The following ANKS1B variants were observed in gnomAD, a reference collection of about 807,000 sequenced individuals.
ANKS1B encodes ankyrin repeat and sterile alpha motif domain-containing protein 1B.
A neutral mutation model predicts 148.3 loss-of-function variants in ANKS1B; 36 were observed. The ratio of observed to expected loss-of-function variants is 0.24; its 90% CI spans 0.19 to 0.32. ANKS1B has a LOEUF of 0.32. Among genes scored for constraint, ANKS1B ranks in the 10% least tolerant of loss-of-function variants. ANKS1B has a pLI of 1.00. For missense variants in ANKS1B, 1,157 were observed against 1,542.6 expected (o/e 0.75, Z 4.19); for synonymous variants, 542 against 560.8 (o/e 0.97, Z 0.47).
chr12:99,663,217 T>A (rs2098486322), intron 8 of ANKS1B, among the ~76,000 whole-genome samples: 1 of 152,116 alleles, frequency 6.6e-6, no homozygotes, highest in Admixed American at 6.6e-5. Flanking sequence ...GATAGGTCAG[T>A]GATCATATTA....
At chr12:99,658,595 A>G (rs1315089350) in intron 8 of ANKS1B, among the ~76,000 whole-genome samples, 1 of 152,086 alleles carries the variant, frequency 6.6e-6, no homozygotes, top group Non-Finnish European at 1.5e-5. Context: ...CTTTTAACTC[A>G]AACAGATATA....
At chr12:99,417,280 T>C (rs1200191180) in intron 11 of ANKS1B, among the ~76,000 whole-genome samples, 1 of 152,232 alleles carries the variant, frequency 6.6e-6, no homozygotes, top group East Asian at 1.9e-4. Context: ...CCTGTGTATG[T>C]CCAACTGCTC....
At position 99,686,248 on chromosome 12, in the gene ANKS1B, T is replaced by G. The variant is rs536944554; in HGVS notation, c.1129-31038A>C. Among the ~76,000 whole-genome samples, 11 of 152,290 alleles carry G rather than the reference T, an allele frequency of 7.2e-5. No homozygotes were observed. In the South Asian group the frequency reaches 2.3e-3, roughly 32 times the overall value. On this transcript the variant is annotated intron_variant, in intron 8 of 26. Coordinates refer to ENST00000683438, the MANE Select transcript of ANKS1B (RefSeq NM_001352186.2). Reference sequence around the variant, plus strand: ...AATTTGGTATGTAAACAAACCAAAATGTAACTTAGGAGTATAACAGCCAAG... The same window carrying G: ...AATTTGGTATGTAAACAAACCAAAAGGTAACTTAGGAGTATAACAGCCAAG...
At chr12:99,564,619 A>G (rs984913156) in intron 9 of ANKS1B, among the ~76,000 whole-genome samples, 1 of 152,118 alleles carries the variant, frequency 6.6e-6, no homozygotes, top group African/African-American at 2.4e-5. Context: ...GAATGAATAC[A>G]TAATTTCTTC....
At chr12:98,835,163 A>G (rs1595050334) in intron 17 of ANKS1B, among the ~76,000 whole-genome samples, 2 of 152,064 alleles carry the variant, frequency 1.3e-5, no homozygotes, top group South Asian at 4.2e-4. Flanking sequence ...TAACTGTGGT[A>G]CAATTGAGCT....
chr12:99,607,221 C>T (rs1008881675), intron 9 of ANKS1B, among the ~76,000 whole-genome samples: 3 of 152,098 alleles, frequency 2.0e-5, no homozygotes, highest in African/African-American at 4.8e-5. Context: ...CCCCAGAATC[C>T]AGAGGCTCAA....
At chr12:99,333,865 T>TTTTTTTTTTTTTTTTTTG (rs2088158089) in intron 12 of ANKS1B, among the ~76,000 whole-genome samples, 1 of 149,858 alleles carries the variant, frequency 6.7e-6, no homozygotes, top group Non-Finnish European at 1.5e-5. Flanking sequence ...TTTTTTTTTT[T>TTTTTTTTTTTTTTTTTTG]TTTTTTTTTT....
rs369441951 is a variant in ANKS1B, at chr12:99,188,608, T to C, written c.2420-34213A>G. 1.1e-4 allele frequency among the ~76,000 whole-genome samples: 16 copies of C among 152,146 alleles called. No homozygotes were observed. In the South Asian group the frequency reaches 2.7e-3, roughly 26 times the overall value. On this transcript the variant is annotated intron_variant, in intron 14 of 26. Transcript: ENST00000683438. ...TCCTGAATGACTACTGGGTAAATAATGAAATGAAGGCAGAAATAAATAAGT... is the reference window on the plus strand; with the variant it reads ...TCCTGAATGACTACTGGGTAAATAACGAAATGAAGGCAGAAATAAATAAGT...
At chr12:99,688,581 A>G (rs1033810183) in intron 8 of ANKS1B, among the ~76,000 whole-genome samples, 36 of 152,220 alleles carry the variant, frequency 2.4e-4, no homozygotes, top group African/African-American at 8.2e-4. Context: ...TCAAGCCTGT[A>G]ATCCTAGCAC....
At chr12:99,749,615 T>C (rs1291951523) in intron 8 of ANKS1B, among the ~76,000 whole-genome samples, 1 of 152,072 alleles carries the variant, frequency 6.6e-6, no homozygotes, top group African/African-American at 2.4e-5. Flanking sequence ...ACTGGTATAT[T>C]CTAAATATGG....
At chr12:99,071,940 C>T (rs1026604180) in intron 16 of ANKS1B, among the ~76,000 whole-genome samples, 2 of 152,166 alleles carry the variant, frequency 1.3e-5, no homozygotes, top group Non-Finnish European at 1.5e-5. Flanking sequence ...CCACCGTGCT[C>T]TGCCCATTTA....
chr12:99,149,266 C>A (rs887784738), intron 15 of ANKS1B, among the ~76,000 whole-genome samples: 2 of 152,066 alleles, frequency 1.3e-5, no homozygotes, highest in Non-Finnish European at 2.9e-5. Context: ...GTGTAAAATG[C>A]ACCATAGCAA....
intron 12 of ANKS1B, among the ~76,000 whole-genome samples, chr12:99,264,213 T>C (rs937377057): frequency 6.6e-6 from 1 of 152,170 alleles, no homozygotes; most frequent in Non-Finnish European, 1.5e-5. Context: ...CTTTAGCTCA[T>C]AAACAAACAA....
At chr12:99,344,235 C>A (rs757327032) in intron 12 of ANKS1B, among the ~76,000 whole-genome samples, 1 of 151,988 alleles carries the variant, frequency 6.6e-6, no homozygotes, top group South Asian at 2.1e-4. Flanking sequence ...CCATGCTATT[C>A]TATTCTTAAT....
At chr12:99,346,793 C>T (rs2090753731) in intron 12 of ANKS1B, among the ~76,000 whole-genome samples, 1 of 151,920 alleles carries the variant, frequency 6.6e-6, no homozygotes, top group Admixed American at 6.6e-5. Context: ...TGTAGCACCT[C>T]CCCCTTCTCT....
At chr12:99,843,608 T>C (rs1056706707) in intron 1 of ANKS1B, among the ~76,000 whole-genome samples, 15 of 152,174 alleles carry the variant, frequency 9.9e-5, no homozygotes, top group African/African-American at 3.4e-4. Context: ...TATGGCTGCA[T>C]AGTATTCCAC....
At chr12:99,055,664 C>A (rs2099969173) in intron 16 of ANKS1B, among the ~76,000 whole-genome samples, 2 of 151,094 alleles carry the variant, frequency 1.3e-5, no homozygotes, top group South Asian at 4.2e-4. Flanking sequence ...TGTCCCAATG[C>A]CAGAAAATTT....
chr12:99,661,086 C>T (rs1292925089), intron 8 of ANKS1B, among the ~76,000 whole-genome samples: 6 of 152,066 alleles, frequency 3.9e-5, no homozygotes, highest in African/African-American at 7.2e-5. Flanking sequence ...TAACAGAACC[C>T]GTTTAGTATT....
chr12:98,766,488 G>A (rs901443415), intron 25 of ANKS1B, among the ~76,000 whole-genome samples: 2 of 152,168 alleles, frequency 1.3e-5, no homozygotes, highest in African/African-American at 2.4e-5. Flanking sequence ...GAAAGTGTTC[G>A]AGTTCAATTT....
Sources: gnomAD v4.1 joint callset for allele counts (sites outside exome capture counted in the v4.1 genomes callset) on GRCh38, gnomAD v4.1.1 for gene constraint, MANE v1.5 for transcripts, NCBI Gene and HGNC (gene_info 2026-07-23, HGNC 2026-07-21) for gene names.